The following ANAPC10 variants were observed in gnomAD, a reference collection of about 807,000 sequenced individuals.
ANAPC10 encodes anaphase promoting complex subunit 10, also known as anaphase-promoting complex subunit 10.
ANAPC10 carries 12 observed loss-of-function variants against 22.0 expected under a neutral mutation model. The observed-to-expected ratio is 0.55, with a 90% CI of 0.35 to 0.88. ANAPC10 has a LOEUF of 0.88. Among genes scored for constraint, ANAPC10 ranks in the 40% least tolerant of loss-of-function variants. ANAPC10 has a pLI of 0.01. For synonymous variants in ANAPC10, 65 were observed against 69.5 expected, an observed-to-expected ratio of 0.94 and a Z score of 0.32; for missense variants, 188 against 220.9, an observed-to-expected ratio of 0.85 and a Z score of 0.94.
intron 2 of ANAPC10, among the ~76,000 whole-genome samples, chr4:145,084,491 T>G (rs1250885021): frequency 6.6e-6 from 1 of 152,144 alleles, no homozygotes; most frequent in African/African-American, 2.4e-5. Flanking sequence ...CAGGGGTGTC[T>G]AATCTTTTGG....
At chr4:145,053,250 G>A (rs1403928623) in intron 4 of ANAPC10, among the ~76,000 whole-genome samples, 1 of 152,040 alleles carries the variant, frequency 6.6e-6, no homozygotes, top group East Asian at 1.9e-4. Context: ...ATGTTAATTT[G>A]GAACAAGATT....
chr4:145,087,219 G>C (rs1015706258), intron 2 of ANAPC10, among the ~76,000 whole-genome samples: 12 of 152,170 alleles, frequency 7.9e-5, no homozygotes, highest in African/African-American at 2.9e-4. Context: ...AGCAGCATTA[G>C]TGGAGCAAGA....
At chr4:145,089,358 A>G (rs1266923167) in intron 2 of ANAPC10, among the ~76,000 whole-genome samples, 1 of 152,230 alleles carries the variant, frequency 6.6e-6, no homozygotes, top group Non-Finnish European at 1.5e-5. Flanking sequence ...GATGTTCACA[A>G]AATACAGCCA....
chr4:145,035,939 G>T (rs546335723), intron 4 of ANAPC10, among the ~76,000 whole-genome samples: 139 of 152,264 alleles, frequency 9.1e-4, no homozygotes, highest in African/African-American at 3.2e-3. Flanking sequence ...GTCCAGGAGG[G>T]ATGTTACCCA....
chr4:144,996,701 C>T (rs534336637), intron 4 of ANAPC10, among the ~76,000 whole-genome samples: 16 of 152,276 alleles, frequency 1.1e-4, no homozygotes, highest in African/African-American at 3.1e-4. Context: ...TGCAGCTCCT[C>T]GCCAGCAACG....
At chr4:145,084,302 T>C (rs1746542820) in intron 2 of ANAPC10, among the ~76,000 whole-genome samples, 1 of 152,186 alleles carries the variant, frequency 6.6e-6, no homozygotes, top group South Asian at 2.1e-4. Context: ...GTTAGCTAGA[T>C]AAAGAGGTAG....
intron 4 of ANAPC10, among the ~76,000 whole-genome samples, chr4:145,003,280 T>C (rs1732858221): frequency 1.3e-5 from 2 of 152,148 alleles, no homozygotes; most frequent in African/African-American, 4.8e-5. Context: ...AAAAATCTAC[T>C]CTACTACTGA....
intron 4 of ANAPC10, among the ~76,000 whole-genome samples, chr4:145,062,028 A>C (rs1579075992): frequency 6.6e-6 from 1 of 151,612 alleles, no homozygotes; most frequent in Admixed American, 6.6e-5. Context: ...AGGCCATTGC[A>C]CTCCAGCCTG....
intron 4 of ANAPC10, among the ~76,000 whole-genome samples, chr4:145,059,368 A>G (rs1742539587): frequency 6.6e-6 from 1 of 152,164 alleles, no homozygotes; most frequent in South Asian, 2.1e-4. Flanking sequence ...ACATGAAACC[A>G]TGGGAAAACA....
intron 4 of ANAPC10, among the ~76,000 whole-genome samples, chr4:145,014,551 C>T (rs1428093398): frequency 6.6e-6 from 1 of 151,994 alleles, no homozygotes; most frequent in Non-Finnish European, 1.5e-5. Context: ...AGTTCTAGGC[C>T]CCCCGCCCAC....
intron 4 of ANAPC10, among the ~76,000 whole-genome samples, chr4:144,996,032 G>A (rs1731554212): frequency 6.6e-6 from 1 of 152,140 alleles, no homozygotes; most frequent in Non-Finnish European, 1.5e-5. Flanking sequence ...AGATAATCTA[G>A]GAAAGAAGGC....
At chr4:145,004,907 G>A (rs1316587068) in intron 4 of ANAPC10, among the ~76,000 whole-genome samples, 1 of 151,980 alleles carries the variant, frequency 6.6e-6, no homozygotes. Context: ...ATTTCAGTAG[G>A]ATTAGTAACC....
At chr4:145,010,012 G>T (rs1487383091) in intron 4 of ANAPC10, among the ~76,000 whole-genome samples, 1 of 152,132 alleles carries the variant, frequency 6.6e-6, no homozygotes. Context: ...AGTGGGTGAA[G>T]GATATGAACA....
chr4:145,042,476 CCTT>C (rs1739651801), intron 4 of ANAPC10, among the ~76,000 whole-genome samples: 2 of 152,066 alleles, frequency 1.3e-5, no homozygotes, highest in Admixed American at 1.3e-4. Flanking sequence ...TTAAATCAAT[CCTT>C]CTTCACATAT....
rs2126814303 is a variant in ANAPC10, at chr4:144,995,177, T to C, written c.*196A>G. 1 of 369,920 alleles carries C rather than the reference T, an allele frequency of 2.7e-6. No homozygotes were observed. Among genetic ancestry groups the C allele is most frequent in the African/African-American group, 2.1e-5 (1 of 47,782 alleles). 22.9% of individuals were successfully genotyped at this position (369,920 alleles called of 1,614,324 possible). A position where few individuals can be genotyped will look rare whatever the true frequency, so the allele number is the denominator to read the frequency against. On this transcript the variant is annotated 3_prime_UTR_variant, in exon 5 of 5. Transcript: ENST00000507656. ...AATCCATTTTTAGTAATGTAAAATA[T>C]GTGAGCTTTATTACATGTTAAAGAA...
intron 4 of ANAPC10, among the ~76,000 whole-genome samples, chr4:145,050,908 T>A (rs1281552100): frequency 6.6e-6 from 1 of 152,236 alleles, no homozygotes. Flanking sequence ...GTAATAAGGC[T>A]GTATTGCTTT....
chr4:145,014,783 T>C (rs1357593547), intron 4 of ANAPC10, among the ~76,000 whole-genome samples: 1 of 152,114 alleles, frequency 6.6e-6, no homozygotes, highest in Admixed American at 6.6e-5. Flanking sequence ...CAATGCCCAG[T>C]ACCAGTCCGG....
intron 2 of ANAPC10, among the ~76,000 whole-genome samples, chr4:145,082,188 G>A (rs1158479518): frequency 1.3e-5 from 2 of 152,132 alleles, no homozygotes; most frequent in African/African-American, 4.8e-5. Context: ...TCACTCTCGT[G>A]GCCCAAGCTG....
At chr4:144,996,170 A>C (rs558520927) in intron 4 of ANAPC10, among the ~76,000 whole-genome samples, 2 of 151,184 alleles carry the variant, frequency 1.3e-5, no homozygotes, top group African/African-American at 4.9e-5. Flanking sequence ...ACAATATGAG[A>C]GATATGGAGA....
Sources: gnomAD v4.1 joint callset for allele counts (sites outside exome capture counted in the v4.1 genomes callset) on GRCh38, gnomAD v4.1.1 for gene constraint, MANE v1.5 for transcripts, NCBI Gene and HGNC (gene_info 2026-07-23, HGNC 2026-07-21) for gene names.